The following PTPDC1 variants were observed in gnomAD, a reference collection of about 807,000 sequenced individuals.
PTPDC1 encodes the protein protein tyrosine phosphatase domain-containing protein 1.
A neutral mutation model predicts 75.3 loss-of-function variants in PTPDC1; 53 were observed. That is an observed-to-expected ratio of 0.70 (90% confidence interval 0.56 to 0.88). The LOEUF (loss-of-function observed/expected upper bound fraction) is 0.88. PTPDC1 is among the 40% of genes least tolerant of loss of function. The probability of loss-of-function intolerance (pLI) is 0.00; values close to 1 mark genes in which losing one functional copy is unlikely to be tolerated. For synonymous variants in PTPDC1, 349 were observed against 366.2 expected, an observed-to-expected ratio of 0.95 and a Z score of 0.54; for missense variants, 925 against 998.6, an observed-to-expected ratio of 0.93 and a Z score of 0.99.
At chr9:94,103,329 A>C (rs1158426172) in intron 7 of PTPDC1, among the ~76,000 whole-genome samples, 1 of 152,234 alleles carries the variant, frequency 6.6e-6, no homozygotes, top group Admixed American at 6.5e-5. Context: ...TCTTCTGTTT[A>C]TCTCAATACC....
At chr9:94,095,290 T>C in intron 4 of PTPDC1, 27 bp from the exon 5 acceptor site, 2 of 1,581,312 alleles carry the variant, frequency 1.3e-6, no homozygotes, top group Non-Finnish European at 1.7e-6. Flanking sequence ...TGTATGTTGA[T>C]TTTCTTTTCC....
chr9:94,055,067 A>C (rs1825893017), intron 1 of PTPDC1, among the ~76,000 whole-genome samples: 1 of 152,230 alleles, frequency 6.6e-6, no homozygotes. Context: ...CTAGTTCATG[A>C]ATCGTGAATA....
In PTPDC1 at chr9:94,098,265, A is replaced by G. The variant is rs770263607; in HGVS notation, c.1699A>G (p.Lys567Glu). The change falls in exon 6 of 9, where the codon AAG becomes GAG. Residue 567 changes from lysine to glutamate, a missense_variant. By Grantham distance (56) the Lys-to-Glu change is moderately conservative (BLOSUM62 1). Coordinates refer to ENST00000620992, the MANE Select transcript of PTPDC1 (RefSeq NM_001253829.2). ...TTCACCCAGCTTTGCAAATGTCCAT[A>G]AGGATCCAAACCCTGCTCACCAGCA... ...PVSPSFANVH[K>E]DPNPAHQQVS... is the part of the protein sequence containing the mutation. The G allele has an allele frequency of 1.2e-6, 2 of 1,614,168 alleles. No individual in the cohort carries two copies. Among genetic ancestry groups the G allele is most frequent in the Non-Finnish European group, 1.7e-6 (2 of 1,180,026 alleles).
At chr9:94,093,682 C>T (rs1405506483) in intron 4 of PTPDC1, among the ~76,000 whole-genome samples, 1 of 147,864 alleles carries the variant, frequency 6.8e-6, no homozygotes, top group Non-Finnish European at 1.5e-5. Flanking sequence ...AGAGTGTTTT[C>T]CAACTTGGTT....
chr9:94,041,150 TC>T (rs1825416949), intron 1 of PTPDC1, among the ~76,000 whole-genome samples: 1 of 152,178 alleles, frequency 6.6e-6, no homozygotes, highest in Admixed American at 6.5e-5. Context: ...GATGTACAAA[TC>T]AACTGACTCT....
chr9:94,077,219 C>G (rs148401959), intron 2 of PTPDC1, among the ~76,000 whole-genome samples: 1 of 152,326 alleles, frequency 6.6e-6, no homozygotes, highest in East Asian at 1.9e-4. Flanking sequence ...GCTACACTCT[C>G]ATAACATGTT....
At chr9:94,055,194 G>C (rs1253650221) in intron 1 of PTPDC1, among the ~76,000 whole-genome samples, 1 of 152,176 alleles carries the variant, frequency 6.6e-6, no homozygotes, top group South Asian at 2.1e-4. Flanking sequence ...TGAACTGTGG[G>C]AATTCAAATT....
Position 94,101,579 on chromosome 9 carries a change from C to A in PTPDC1, c.2027C>A (p.Ser676Tyr). Residue 676 changes from serine (S) to tyrosine (Y), a missense_variant, in exon 7 of 9, where the codon TCC becomes TAC. Coordinates refer to ENST00000620992, the MANE Select transcript of PTPDC1 (RefSeq NM_001253829.2). Reference sequence around the variant, plus strand: ...CTTCCTTTTTAGAAAGAGCTTAATTCCCGAGATGGAGCTTGGGAAAGAATA... The same window carrying A: ...CTTCCTTTTTAGAAAGAGCTTAATTACCGAGATGGAGCTTGGGAAAGAATA... ...KVEMWQKELN[S>Y]RDGAWERICG... 1 of 1,612,520 alleles carries A rather than the reference C, an allele frequency of 6.2e-7. No homozygotes were observed. The highest frequency in any genetic ancestry group is 1.1e-5 in the South Asian group (1 of 90,812).
At chr9:94,102,591 T>C (rs1168776650) in intron 7 of PTPDC1, among the ~76,000 whole-genome samples, 1 of 152,186 alleles carries the variant, frequency 6.6e-6, no homozygotes, top group African/African-American at 2.4e-5. Flanking sequence ...GTTTGTTTCT[T>C]TTTTTGAGAC....
upstream of PTPDC1, among the ~76,000 whole-genome samples, chr9:94,080,963 G>A (rs10993045): frequency 0.075 from 11,356 of 151,442 alleles, 584 homozygotes; most frequent in East Asian, 0.14. Context: ...AAAAATTCAA[G>A]GGAAAATATT....
At chr9:94,069,525 T>TA (rs1826436920) in intron 2 of PTPDC1, among the ~76,000 whole-genome samples, 1 of 150,406 alleles carries the variant, frequency 6.6e-6, no homozygotes, top group African/African-American at 2.4e-5. Context: ...TCCAATTCTT[T>TA]TTTTTTTTTT....
intron 1 of PTPDC1, among the ~76,000 whole-genome samples, chr9:94,041,866 G>T (rs566698457): frequency 1.3e-5 from 2 of 152,288 alleles, no homozygotes; most frequent in East Asian, 3.9e-4. Context: ...AACCAGATTT[G>T]CTCTGATATG....
intron 1 of PTPDC1, among the ~76,000 whole-genome samples, chr9:94,047,015 G>A (rs923538735): frequency 2.6e-5 from 4 of 152,166 alleles, no homozygotes; most frequent in Admixed American, 2.0e-4. Context: ...TTTGAGATAT[G>A]TCCTATCAAT....
chr9:94,086,132 A>G (rs1827065701), intron 2 of PTPDC1, among the ~76,000 whole-genome samples: 1 of 152,194 alleles, frequency 6.6e-6, no homozygotes, highest in Non-Finnish European at 1.5e-5. Flanking sequence ...TTTCAATTAG[A>G]TATTTGTCAA....
chr9:94,062,096 G>C (rs965128024), intron 1 of PTPDC1, among the ~76,000 whole-genome samples: 1 of 152,126 alleles, frequency 6.6e-6, no homozygotes, highest in Admixed American at 6.6e-5. Context: ...AAGCAGCCGG[G>C]TGACTTCTTG....
At chr9:94,096,740 T>C (rs1460223080) in intron 5 of PTPDC1, among the ~76,000 whole-genome samples, 1 of 152,112 alleles carries the variant, frequency 6.6e-6, no homozygotes, top group East Asian at 1.9e-4. Context: ...ATAGGCACAA[T>C]CTGGAAAAAG....
At chr9:94,065,886 A>G (rs1826285905) in intron 2 of PTPDC1, among the ~76,000 whole-genome samples, 1 of 152,232 alleles carries the variant, frequency 6.6e-6, no homozygotes, top group South Asian at 2.1e-4. Context: ...CTAGATGTCT[A>G]GTGGCTGCTT....
intron 1 of PTPDC1, among the ~76,000 whole-genome samples, chr9:94,049,055 T>G (rs1388821346): frequency 6.6e-6 from 1 of 152,194 alleles, no homozygotes; most frequent in Non-Finnish European, 1.5e-5. Flanking sequence ...GTTTTCCATT[T>G]GGTAGATCTT....
intron 1 of PTPDC1, chr9:94,038,096 A>G: frequency 1.8e-6 from 1 of 553,198 alleles, no homozygotes; most frequent in Admixed American, 2.1e-5. Flanking sequence ...CACCGTGGAA[A>G]AGGGAGGCAA....
Sources: gnomAD v4.1 joint callset for allele counts (sites outside exome capture counted in the v4.1 genomes callset) on GRCh38, gnomAD v4.1.1 for gene constraint, MANE v1.5 for transcripts, NCBI Gene and HGNC (gene_info 2026-07-23, HGNC 2026-07-21) for gene names.